Variants in FAM107B observed in about 807,000 individuals in gnomAD.
The protein encoded by FAM107B is protein FAM107B.
A neutral mutation model predicts 31.5 loss-of-function variants in FAM107B; 21 were observed. The ratio of observed to expected loss-of-function variants is 0.67; its 90% confidence interval spans 0.47 to 0.96. The LOEUF (loss-of-function observed/expected upper bound fraction) is 0.96. Ranked by LOEUF, FAM107B falls within the 40% of genes least tolerant of loss-of-function variation. The pLI is 0.00. For synonymous variants in FAM107B, 157 were observed against 141.5 expected (o/e 1.11, Z -0.78); for missense variants, 452 against 377.1 (o/e 1.20, Z -1.64).
At chr10:14,570,195 AACG>A (rs986734009) in intron 2 of FAM107B, among the ~76,000 whole-genome samples, 1 of 151,864 alleles carries the variant, frequency 6.6e-6, no homozygotes, top group Non-Finnish European at 1.5e-5. Flanking sequence ...TCTGAAATGA[AACG>A]ACATTGAAAA....
chr10:14,562,397 G>A (rs1223012275), intron 2 of FAM107B, among the ~76,000 whole-genome samples: 1 of 152,212 alleles, frequency 6.6e-6, no homozygotes, highest in Admixed American at 6.5e-5. Context: ...ACATTCAGCT[G>A]GAGAAGTCAG....
intron 1 of FAM107B, among the ~76,000 whole-genome samples, chr10:14,667,991 T>C (rs1164930818): frequency 6.6e-6 from 1 of 152,110 alleles, no homozygotes; most frequent in Non-Finnish European, 1.5e-5. Flanking sequence ...GACTAATATA[T>C]TTGAAGGCAC....
At chr10:14,575,257 G>A (rs927187829) in intron 2 of FAM107B, among the ~76,000 whole-genome samples, 7 of 151,756 alleles carry the variant, frequency 4.6e-5, no homozygotes, top group African/African-American at 1.7e-4. Context: ...AGGCTGGAGT[G>A]TAGTGGTGCA....
At chr10:14,577,604 G>A (rs1218686907) in intron 2 of FAM107B, among the ~76,000 whole-genome samples, 1 of 152,204 alleles carries the variant, frequency 6.6e-6, no homozygotes, top group African/African-American at 2.4e-5. Flanking sequence ...TTCAGGTTGA[G>A]ATCCTGGGAT....
chr10:14,605,142 A>G (rs1410707509), intron 2 of FAM107B, among the ~76,000 whole-genome samples: 1 of 152,218 alleles, frequency 6.6e-6, no homozygotes. Flanking sequence ...CGGTCAAGCC[A>G]GGACCCAAAA....
At chr10:14,761,144 C>T (rs1413664298) in intron 1 of FAM107B, among the ~76,000 whole-genome samples, 1 of 151,400 alleles carries the variant, frequency 6.6e-6, no homozygotes, top group Non-Finnish European at 1.5e-5. Context: ...TTCTTTTGTG[C>T]TTACTCAGTA....
chr10:14,594,326 A>G lies in FAM107B; in HGVS notation c.470-63811T>C, dbSNP rs1337796733. On this transcript the variant is annotated intron_variant, in intron 2 of 4. Coordinates refer to ENST00000181796, the MANE Select transcript of FAM107B (RefSeq NM_031453.4). ...TTCAAGACCAACCGGGCAACAGAAC[A>G]AGACTTCATCTCTACAAAATATAAA... Among the ~76,000 whole-genome samples, 9 of 152,080 alleles carry G rather than the reference A, an allele frequency of 5.9e-5. No homozygotes were observed. In the East Asian group the frequency reaches 1.3e-3, roughly 23 times the overall value.
At chr10:14,685,666 C>T (rs1854966390) in intron 1 of FAM107B, among the ~76,000 whole-genome samples, 1 of 152,072 alleles carries the variant, frequency 6.6e-6, no homozygotes, top group Non-Finnish European at 1.5e-5. Flanking sequence ...AGAGGTGTTT[C>T]CAGAAGCCTC....
intron 2 of FAM107B, among the ~76,000 whole-genome samples, chr10:14,562,454 T>C (rs990789316): frequency 1.8e-4 from 27 of 152,256 alleles, no homozygotes; most frequent in African/African-American, 6.5e-4. Flanking sequence ...GCAGAGTTGC[T>C]AATTTCCTGC....
chr10:14,724,738 A>G (rs897601855), intron 1 of FAM107B, among the ~76,000 whole-genome samples: 1 of 152,082 alleles, frequency 6.6e-6, no homozygotes, highest in Admixed American at 6.5e-5. Flanking sequence ...CCAGGAACCC[A>G]CTAATAGTGA....
intron 1 of FAM107B, among the ~76,000 whole-genome samples, chr10:14,729,158 A>AT (rs957158850): frequency 9.9e-5 from 15 of 150,908 alleles, no homozygotes; most frequent in African/African-American, 1.7e-4. Flanking sequence ...ATACCTGGCT[A>AT]TTTTTTTTTA....
rs1833329840 is a variant in FAM107B at position 14,772,513 on chromosome 10, T to C, written c.411+1740A>G. On this transcript the variant is annotated intron_variant, in intron 1 of 4. Transcript: ENST00000181796. ...TAGAATAGATGCCCATTTACCCACA[T>C]CAGGCCCTCTTCCTGCACCTCCTGG... Among the ~76,000 whole-genome samples the C allele has an allele frequency of 2.0e-5, 3 of 152,126 alleles. 1 individual carries two copies. Among genetic ancestry groups the C allele is most frequent in the Non-Finnish European group, 4.4e-5 (3 of 68,004 alleles).
intron 1 of FAM107B, among the ~76,000 whole-genome samples, chr10:14,759,184 A>ATAAATAAG: frequency 7.3e-6 from 1 of 136,494 alleles, no homozygotes; most frequent in Non-Finnish European, 1.6e-5. Context: ...GTCTCAAAAA[A>ATAAATAAG]TAAATAAATA....
chr10:14,528,486 T>C (rs1238733342), intron 3 of FAM107B, among the ~76,000 whole-genome samples: 1 of 152,150 alleles, frequency 6.6e-6, no homozygotes, highest in Non-Finnish European at 1.5e-5. Flanking sequence ...CCAGCCTACT[T>C]TAATTTTTAT....
intron 2 of FAM107B, among the ~76,000 whole-genome samples, chr10:14,576,001 A>C (rs1851452388): frequency 6.6e-6 from 1 of 152,188 alleles, no homozygotes; most frequent in South Asian, 2.1e-4. Context: ...ACAAAAAGAC[A>C]AGTACTGTAC....
At chr10:14,670,012 T>G (rs1005030861) in intron 1 of FAM107B, among the ~76,000 whole-genome samples, 2 of 152,176 alleles carry the variant, frequency 1.3e-5, no homozygotes, top group Admixed American at 6.5e-5. Flanking sequence ...ACACATTCTA[T>G]GCATGTAAAA....
intron 2 of FAM107B, among the ~76,000 whole-genome samples, chr10:14,640,476 G>C (rs2131431411): frequency 6.6e-6 from 1 of 152,254 alleles, no homozygotes; most frequent in East Asian, 1.9e-4. Context: ...ATCTGCTTGA[G>C]TTCTCTTGGA....
intron 1 of FAM107B, among the ~76,000 whole-genome samples, chr10:14,750,341 G>T (rs1300682933): frequency 2.6e-5 from 4 of 152,220 alleles, no homozygotes; most frequent in Non-Finnish European, 4.4e-5. Flanking sequence ...GCCGAGCATG[G>T]TGGCTCAAGC....
In FAM107B at chr10:14,629,491, A is replaced by AAT. The variant is rs1238265737; in HGVS notation, c.469+38141_469+38142dup. ...TATTTAATATATATATAACATATAT[A>AAT]ATATATATATATTTAATATATATAT... On this transcript the variant is annotated intron_variant, in intron 2 of 4. Coordinates refer to ENST00000181796, the MANE Select transcript of FAM107B (RefSeq NM_031453.4). Among the ~76,000 whole-genome samples, 6 of 104,202 alleles carry AAT rather than the reference A, an allele frequency of 5.8e-5. 1 individual carries two copies. In the East Asian group the frequency reaches 8.1e-4, roughly 14 times the overall value. 68.4% of individuals were successfully genotyped at this position (104,202 alleles called of 152,430 possible). A position where few individuals can be genotyped will look rare whatever the true frequency, so the allele number is the denominator to read the frequency against.
Sources: gnomAD v4.1 joint callset for allele counts (sites outside exome capture counted in the v4.1 genomes callset) on GRCh38, gnomAD v4.1.1 for gene constraint, MANE v1.5 for transcripts, NCBI Gene and HGNC (gene_info 2026-07-23, HGNC 2026-07-21) for gene names.